The following DAOA variants were observed in gnomAD, a reference collection of about 807,000 sequenced individuals.
DAOA encodes the protein D-amino acid oxidase activator, also known as D-amino acid oxidase regulator.
In DAOA, 15 loss-of-function variants were observed where a neutral mutation model predicts 16.4. That is an observed-to-expected ratio of 0.91 (90% CI 0.61 to 1.41). The LOEUF (loss-of-function observed/expected upper bound fraction) is 1.41. Among genes scored for constraint, DAOA ranks in the 40% most tolerant of loss-of-function variants. The pLI, the probability that DAOA is intolerant of heterozygous loss-of-function variation, is 0.00. For missense variants in DAOA, 230 were observed against 176.8 expected (o/e 1.30, Z -1.71); for synonymous variants, 75 against 59.1 (o/e 1.27, Z -1.23).
intron 4 of DAOA, among the ~76,000 whole-genome samples, chr13:105,481,957 C>A (rs976582045): frequency 6.6e-6 from 1 of 152,136 alleles, no homozygotes; most frequent in Admixed American, 6.6e-5. Flanking sequence ...CTCACATTTC[C>A]ACATGGCTGA....
rs113270820 is a variant in DAOA, at chr13:105,487,497, C to A, written c.282-2404C>A. ...GGAATTTACATTTTAGAAATCATTT[C>A]CTCTCCCTGATACCTTTTCCCTTTG... On this transcript the variant is annotated intron_variant, in intron 4 of 5. Transcript: ENST00000375936. Among the ~76,000 whole-genome samples the A allele has an allele frequency of 5.8e-3, 887 of 151,948 alleles. 11 individuals carry two copies. Among genetic ancestry groups the A allele is most frequent in the African/African-American group, 0.02 (835 of 41,444 alleles).
intron 4 of DAOA, among the ~76,000 whole-genome samples, chr13:105,484,696 T>A (rs1407236853): frequency 2.6e-5 from 4 of 152,174 alleles, no homozygotes; most frequent in African/African-American, 9.6e-5. Context: ...CATTAGCTCT[T>A]ATACCTTTTT....
chr13:105,466,272 A>T lies in DAOA; in HGVS notation c.-17A>T. 1 of 1,614,026 alleles carries T rather than the reference A, an allele frequency of 6.2e-7. No homozygotes were observed. The highest frequency in any genetic ancestry group is 1.1e-5 in the South Asian group (1 of 91,036). ...CTCTGCTTCACAATGCCGATGATTT[A>T]GCTGGGAGGACCCAAAATGCTGGAA... On this transcript the variant is annotated 5_prime_UTR_variant, in exon 2 of 6. An upstream open reading frame in the 5' UTR loses its in-frame stop. Coordinates refer to ENST00000375936, the MANE Select transcript of DAOA (RefSeq NM_172370.5).
At chr13:105,479,523 C>T (rs9586861) in intron 4 of DAOA, among the ~76,000 whole-genome samples, 13,163 of 152,188 alleles carry the variant, frequency 0.086, 871 homozygotes, top group African/African-American at 0.18. Context: ...GGCTTCTCTC[C>T]GACTTCCTGA....
chr13:105,470,269 G>C (rs1366085302), intron 3 of DAOA, among the ~76,000 whole-genome samples: 6 of 151,960 alleles, frequency 3.9e-5, no homozygotes, highest in African/African-American at 1.4e-4. Flanking sequence ...TAAGCACACT[G>C]TCCTCATATA....
At chr13:105,472,240 AT>A (rs1342957494) in intron 3 of DAOA, among the ~76,000 whole-genome samples, 1 of 152,108 alleles carries the variant, frequency 6.6e-6, no homozygotes, top group African/African-American at 2.4e-5. Context: ...ACCACAGTTA[AT>A]TTTTTCGTGC....
intron 3 of DAOA, among the ~76,000 whole-genome samples, chr13:105,469,947 G>A (rs76180831): frequency 0.037 from 5,594 of 151,998 alleles, 127 homozygotes; most frequent in East Asian, 0.066. Flanking sequence ...CATATTGAGG[G>A]CTATTTTTAG....
intron 4 of DAOA, among the ~76,000 whole-genome samples, chr13:105,478,211 T>C (rs1271971049): frequency 1.3e-5 from 2 of 152,204 alleles, no homozygotes; most frequent in Non-Finnish European, 2.9e-5. Context: ...TACACAAATG[T>C]ACCTTATACA....
Position 105,480,571 on chromosome 13 carries a change from G to A in DAOA, c.281+7886G>A, listed in dbSNP as rs142214712. Among the ~76,000 whole-genome samples, 49 of 150,076 alleles carry A rather than the reference G, an allele frequency of 3.3e-4. No homozygotes were observed. The East Asian group carries it at 9.4e-3, about 29-fold the overall frequency. On this transcript the variant is annotated intron_variant, in intron 4 of 5. Transcript: ENST00000375936. ...AGATAGATAGATAGATAGATAGATAGCATTTGTTAGGAGAATTGGCTCGTG... is the reference window on the plus strand; with the variant it reads ...AGATAGATAGATAGATAGATAGATAACATTTGTTAGGAGAATTGGCTCGTG...
intron 4 of DAOA, among the ~76,000 whole-genome samples, chr13:105,481,041 A>G (rs565146998): frequency 6.6e-6 from 1 of 152,290 alleles, no homozygotes; most frequent in African/African-American, 2.4e-5. Context: ...TTATCACAGC[A>G]TCTAAACCAG....
chr13:105,482,465 C>T (rs559376379), intron 4 of DAOA, among the ~76,000 whole-genome samples: 24 of 150,822 alleles, frequency 1.6e-4, no homozygotes, highest in African/African-American at 4.4e-4. Context: ...CTCTTTTTCT[C>T]AGTCTCTTTT....
intron 4 of DAOA, among the ~76,000 whole-genome samples, chr13:105,476,528 G>A (rs1877346733): frequency 6.8e-6 from 1 of 146,996 alleles, no homozygotes; most frequent in African/African-American, 2.5e-5. Context: ...AATTACATAT[G>A]AGGTACTACA....
intron 1 of DAOA, 29 bp downstream of exon 1, chr13:105,466,089 A>C: frequency 1.4e-6 from 1 of 706,116 alleles, no homozygotes; most frequent in Non-Finnish European, 2.2e-6. Context: ...CATACATAAC[A>C]GTGAGCAAGT....
At chr13:105,467,894 C>A (rs1317821648) in intron 3 of DAOA, among the ~76,000 whole-genome samples, 1 of 152,116 alleles carries the variant, frequency 6.6e-6, no homozygotes, top group Non-Finnish European at 1.5e-5. Flanking sequence ...AAAAAACAAG[C>A]ACATTCATTA....
chr13:105,487,148 GC>G (rs1286964516), intron 4 of DAOA, among the ~76,000 whole-genome samples: 1 of 152,092 alleles, frequency 6.6e-6, no homozygotes, highest in East Asian at 1.9e-4. Context: ...ACACAATTTT[GC>G]CAGCTGGTTT....
chr13:105,472,136 T>G (rs1463803114), intron 3 of DAOA, among the ~76,000 whole-genome samples: 1 of 152,214 alleles, frequency 6.6e-6, no homozygotes, highest in Non-Finnish European at 1.5e-5. Context: ...GAGAGGACTA[T>G]TTCATCGTGA....
chr13:105,485,823 G>A (rs1162423359), intron 4 of DAOA, among the ~76,000 whole-genome samples: 2 of 152,114 alleles, frequency 1.3e-5, no homozygotes, highest in Non-Finnish European at 2.9e-5. Context: ...CAGCAACACT[G>A]GAAGCTAAGA....
At chr13:105,471,970 G>A (rs188740454) in intron 3 of DAOA, among the ~76,000 whole-genome samples, 98 of 152,084 alleles carry the variant, frequency 6.4e-4, no homozygotes, top group African/African-American at 2.0e-3. Context: ...CTCTTTCCAC[G>A]CCAAAGTAAG....
At chr13:105,475,294 C>T (rs1194002332) in intron 4 of DAOA, among the ~76,000 whole-genome samples, 3 of 152,114 alleles carry the variant, frequency 2.0e-5, no homozygotes, top group Non-Finnish European at 4.4e-5. Context: ...CTTGAAATCT[C>T]ACAAAGCTTT....
Sources: gnomAD v4.1 joint callset for allele counts (sites outside exome capture counted in the v4.1 genomes callset) on GRCh38, gnomAD v4.1.1 for gene constraint, MANE v1.5 for transcripts, NCBI Gene and HGNC (gene_info 2026-07-23, HGNC 2026-07-21) for gene names.